The following ZNF827 variants were observed in gnomAD, a reference collection of about 807,000 sequenced individuals.
The protein encoded by ZNF827 is zinc finger protein 827.
In ZNF827, 13 loss-of-function variants were observed where a neutral mutation model predicts 102.4. The ratio of observed to expected loss-of-function variants is 0.13; its 90% CI spans 0.08 to 0.20. ZNF827 has a LOEUF of 0.20. Among genes scored for constraint, ZNF827 ranks in the 10% least tolerant of loss-of-function variants. The pLI is 1.00. For synonymous variants in ZNF827, 523 were observed against 536.2 expected (o/e 0.98, Z 0.34); for missense variants, 1,103 against 1,344.4 (o/e 0.82, Z 2.81).
intron 2 of ZNF827, among the ~76,000 whole-genome samples, chr4:145,894,841 T>C (rs1420025962): frequency 6.6e-6 from 1 of 152,194 alleles, no homozygotes; most frequent in Non-Finnish European, 1.5e-5. Context: ...GTCCTATCTG[T>C]AATTATGTCT....
chr4:145,820,025 A>G (rs1217965642), intron 8 of ZNF827: 1 of 152,274 alleles, frequency 6.6e-6, no homozygotes, highest in African/African-American at 2.4e-5. Context: ...CGATCTCTTC[A>G]CAGTCCACAG....
chr4:145,792,336 A>G (rs187263029), intron 8 of ZNF827, among the ~76,000 whole-genome samples: 52 of 152,204 alleles, frequency 3.4e-4, no homozygotes, highest in Admixed American at 3.0e-3. Flanking sequence ...GAATTTGTAT[A>G]TGAAAGTCAG....
chr4:145,906,978 C>A lies in ZNF827; in HGVS notation c.44-3763G>T, dbSNP rs1466760145. The A allele has an allele frequency of 1.4e-5, 6 of 436,084 alleles. No homozygotes were observed. The Admixed American group carries it at 1.6e-4, about 12-fold the overall frequency. 27.0% of individuals were successfully genotyped at this position (436,084 alleles called of 1,614,324 possible). ...TTGAGGTTATTCAAGAAATAAGTTACCATATAATTTTAATGCATGGCATAG... is the reference window on the plus strand; with the variant it reads ...TTGAGGTTATTCAAGAAATAAGTTAACATATAATTTTAATGCATGGCATAG... On this transcript the variant is annotated intron_variant, in intron 1 of 14. Coordinates refer to ENST00000508784, the MANE Select transcript of ZNF827 (RefSeq NM_001306215.2).
chr4:145,821,271 C>T (rs1407681983), intron 8 of ZNF827, among the ~76,000 whole-genome samples: 2 of 152,136 alleles, frequency 1.3e-5, no homozygotes, highest in South Asian at 2.1e-4. Context: ...TTTTGGATTT[C>T]AGAATTGTGA....
At chr4:145,804,820 T>C (rs1567220) in intron 8 of ZNF827, among the ~76,000 whole-genome samples, 144,966 of 152,322 alleles carry the variant, frequency 0.95, 69,028 homozygotes, top group East Asian at 0.97. Context: ...CTATTATGTA[T>C]TAGCAAACAT....
In ZNF827 at chr4:145,799,003, A is replaced by G. The variant is rs964529440; in HGVS notation, c.2384-19492T>C. On this transcript the variant is annotated intron_variant, in intron 8 of 14. Coordinates refer to ENST00000508784, the MANE Select transcript of ZNF827 (RefSeq NM_001306215.2). ...AATGTTATCTAAAGTTGACAACTAC[A>G]CTGAATTTCTAGCTTGGCCACCAAT... 7.2e-5 allele frequency among the ~76,000 whole-genome samples: 11 copies of G among 152,346 alleles called. No homozygotes were observed. The East Asian group carries it at 1.5e-3, about 21-fold the overall frequency.
chr4:145,853,881 T>A (rs778765799), intron 5 of ZNF827, among the ~76,000 whole-genome samples: 2 of 151,740 alleles, frequency 1.3e-5, no homozygotes, highest in Non-Finnish European at 2.9e-5. Context: ...GGGAGGATCA[T>A]CTGAGCCTGG....
chr4:145,909,565 TC>T (rs1365763313), intron 1 of ZNF827, among the ~76,000 whole-genome samples: 1 of 152,108 alleles, frequency 6.6e-6, no homozygotes, highest in Admixed American at 6.5e-5. Flanking sequence ...CATGTTCCCC[TC>T]CATGGGCCTA....
Position 145,870,488 on chromosome 4 carries a change from G to C in ZNF827, c.1748-10C>G. 1 of 1,600,914 alleles carries C rather than the reference G, an allele frequency of 6.2e-7. No homozygotes were observed. Among genetic ancestry groups the C allele is most frequent in the Non-Finnish European group, 8.5e-7 (1 of 1,175,774 alleles). ...TCCTTCTGATTTGCAGCTGTCAAAAGAAAAAAAGGGATTATATATACATAA... is the reference window on the plus strand; with the variant it reads ...TCCTTCTGATTTGCAGCTGTCAAAACAAAAAAAGGGATTATATATACATAA... On this transcript the variant is annotated splice_polypyrimidine_tract_variant and intron_variant, in intron 4 of 14. Transcript: ENST00000508784.
chr4:145,866,781 G>T (rs1346909234), intron 5 of ZNF827, among the ~76,000 whole-genome samples: 1 of 152,190 alleles, frequency 6.6e-6, no homozygotes, highest in Non-Finnish European at 1.5e-5. Flanking sequence ...ATGGAAACAT[G>T]TAACTCCCCA....
chr4:145,899,337 G>T (rs996779006), intron 2 of ZNF827, among the ~76,000 whole-genome samples: 3 of 152,080 alleles, frequency 2.0e-5, no homozygotes, highest in Non-Finnish European at 2.9e-5. Context: ...AAAGGGAGTT[G>T]GGGAGGGTAG....
At chr4:145,917,427 G>A (rs1265851711) in intron 1 of ZNF827, among the ~76,000 whole-genome samples, 3 of 152,098 alleles carry the variant, frequency 2.0e-5, no homozygotes, top group Non-Finnish European at 4.4e-5. Context: ...GAGAGAGCAA[G>A]AGAGGGCCAA....
chr4:145,896,151 C>T (rs1308780885), intron 2 of ZNF827, among the ~76,000 whole-genome samples: 1 of 152,158 alleles, frequency 6.6e-6, no homozygotes, highest in East Asian at 1.9e-4. Context: ...CTGTAGTAGC[C>T]GTTGTTGTAG....
chr4:145,931,933 C>A (rs1753837246), intron 1 of ZNF827, among the ~76,000 whole-genome samples: 1 of 152,204 alleles, frequency 6.6e-6, no homozygotes, highest in African/African-American at 2.4e-5. Flanking sequence ...CATGTTGAAA[C>A]TTAATCCCCA....
chr4:145,909,405 G>A (rs922612870), intron 1 of ZNF827, among the ~76,000 whole-genome samples: 1 of 152,224 alleles, frequency 6.6e-6, no homozygotes, highest in Non-Finnish European at 1.5e-5. Context: ...AGCACCATCA[G>A]GGCTCTCTCT....
At chr4:145,871,865 T>G (rs1748715972) in intron 4 of ZNF827, among the ~76,000 whole-genome samples, 1 of 152,162 alleles carries the variant, frequency 6.6e-6, no homozygotes, top group Non-Finnish European at 1.5e-5. Context: ...ATCTGGAAGT[T>G]TCACTACCAG....
chr4:145,926,450 G>A (rs980685265), intron 1 of ZNF827, among the ~76,000 whole-genome samples: 3 of 152,242 alleles, frequency 2.0e-5, no homozygotes, highest in Admixed American at 6.5e-5. Flanking sequence ...CAACCAATCT[G>A]GGATTCAATA....
intron 5 of ZNF827, among the ~76,000 whole-genome samples, chr4:145,866,444 C>T (rs998384494): frequency 6.6e-6 from 1 of 152,138 alleles, no homozygotes; most frequent in Non-Finnish European, 1.5e-5. Context: ...GGTTGAATTC[C>T]TATACAAGAA....
intron 5 of ZNF827, among the ~76,000 whole-genome samples, chr4:145,869,718 G>T (rs953555788): frequency 2.6e-5 from 4 of 152,118 alleles, no homozygotes; most frequent in Admixed American, 2.0e-4. Flanking sequence ...TTAATCTTAA[G>T]AACAGATTAA....
Sources: gnomAD v4.1 joint callset for allele counts (sites outside exome capture counted in the v4.1 genomes callset) on GRCh38, gnomAD v4.1.1 for gene constraint, MANE v1.5 for transcripts, NCBI Gene and HGNC (gene_info 2026-07-23, HGNC 2026-07-21) for gene names.